The following DOCK3 variants were observed in gnomAD, a reference collection of about 807,000 sequenced individuals.
DOCK3 encodes dedicator of cytokinesis 3, also known as dedicator of cytokinesis protein 3.
In DOCK3, 60 loss-of-function variants were observed where a neutral mutation model predicts 265.6. That is an observed-to-expected ratio of 0.23 (90% CI 0.18 to 0.28). DOCK3 has a LOEUF of 0.28. Among genes scored for constraint, DOCK3 ranks in the 10% least tolerant of loss-of-function variants. The probability of loss-of-function intolerance (pLI) is 1.00; values close to 1 mark genes in which losing one functional copy is unlikely to be tolerated. For missense variants in DOCK3, 1,981 were observed against 2,594.3 expected (o/e 0.76, Z 5.14); for synonymous variants, 881 against 938.0 (o/e 0.94, Z 1.11).
At position 51,016,731 on chromosome 3, in the gene DOCK3, TAC is replaced by T. The variant is rs2079308971; in HGVS notation, c.316-47715_316-47714del. The stretch of plus-strand genomic sequence containing the variant: ...TTATATATCAATATAATATATATGA[TAC>T]ATATTATATATATCAATATAATATA... On this transcript the variant is annotated intron_variant, in intron 5 of 52. Coordinates refer to ENST00000266037, the MANE Select transcript of DOCK3 (RefSeq NM_004947.5). 1.2e-4 allele frequency among the ~76,000 whole-genome samples: 4 copies of T among 34,652 alleles called. 2 individuals are homozygous for T. The East Asian group carries it at 3.7e-3, about 32-fold the overall frequency. 22.7% of individuals were successfully genotyped at this position (34,652 alleles called of 152,430 possible). A position where few individuals can be genotyped will look rare whatever the true frequency, so the allele number is the denominator to read the frequency against.
chr3:50,853,620 T>C (rs1159262077), intron 3 of DOCK3, among the ~76,000 whole-genome samples: 2 of 152,144 alleles, frequency 1.3e-5, no homozygotes, highest in African/African-American at 2.4e-5. Context: ...GCTGCATCCA[T>C]GTTGCTGCAA....
chr3:51,368,756 C>T (rs1376416579), intron 49 of DOCK3, among the ~76,000 whole-genome samples: 1 of 152,230 alleles, frequency 6.6e-6, no homozygotes, highest in Admixed American at 6.5e-5. Context: ...AGACTGCCTC[C>T]TCAAGTGGGT....
At chr3:50,804,766 G>T (rs2043313041) in intron 2 of DOCK3, among the ~76,000 whole-genome samples, 1 of 151,940 alleles carries the variant, frequency 6.6e-6, no homozygotes. Context: ...GAGAGGGAGA[G>T]GGGGAGGGGG....
At chr3:51,309,208 G>A (rs911117090) in intron 27 of DOCK3, among the ~76,000 whole-genome samples, 2 of 152,130 alleles carry the variant, frequency 1.3e-5, no homozygotes, top group African/African-American at 4.8e-5. Flanking sequence ...CTGCAATCTC[G>A]GCACTTTGGG....
chr3:50,770,254 T>G (rs1478674720), intron 1 of DOCK3, among the ~76,000 whole-genome samples: 1 of 152,180 alleles, frequency 6.6e-6, no homozygotes, highest in African/African-American at 2.4e-5. Flanking sequence ...TCGGTAAAGT[T>G]GCAGTATACA....
At chr3:50,754,072 C>T (rs1427191324) in intron 1 of DOCK3, among the ~76,000 whole-genome samples, 1 of 131,360 alleles carries the variant, frequency 7.6e-6, no homozygotes, top group African/African-American at 2.8e-5. Flanking sequence ...AGGAGAATCG[C>T]TTGAACCTGG....
intron 10 of DOCK3, among the ~76,000 whole-genome samples, chr3:51,158,700 A>G (rs1231211615): frequency 6.6e-6 from 1 of 152,226 alleles, no homozygotes; most frequent in Non-Finnish European, 1.5e-5. Context: ...ACAAATGATA[A>G]ATATCAGAAT....
chr3:50,811,830 A>C (rs2043777256), intron 2 of DOCK3, among the ~76,000 whole-genome samples: 1 of 152,244 alleles, frequency 6.6e-6, no homozygotes, highest in South Asian at 2.1e-4. Flanking sequence ...AATCACACTA[A>C]TTGGAATAGA....
intron 1 of DOCK3, among the ~76,000 whole-genome samples, chr3:50,717,551 A>C (rs535896936): frequency 5.9e-5 from 9 of 152,124 alleles, no homozygotes; most frequent in Admixed American, 2.6e-4. Flanking sequence ...GAGTATGTGA[A>C]ATCACCTACA....
intron 17 of DOCK3, 140 bp from the exon 18 acceptor site, chr3:51,228,521 A>G: frequency 2.2e-6 from 2 of 907,364 alleles, no homozygotes; most frequent in Non-Finnish European, 3.3e-6. Context: ...CTGAACAGAA[A>G]GTACTCTTCC....
intron 5 of DOCK3, among the ~76,000 whole-genome samples, chr3:51,014,878 T>C (rs2079090515): frequency 6.6e-6 from 1 of 152,144 alleles, no homozygotes; most frequent in African/African-American, 2.4e-5. Flanking sequence ...TTAATTAATT[T>C]CTAGGTATTT....
intron 7 of DOCK3, among the ~76,000 whole-genome samples, chr3:51,083,493 G>C (rs774629056): frequency 1.3e-5 from 2 of 151,966 alleles, no homozygotes; most frequent in Non-Finnish European, 2.9e-5. Context: ...TTCAAAATAA[G>C]ATTAAAGAAG....
intron 33 of DOCK3, among the ~76,000 whole-genome samples, chr3:51,331,913 C>A (rs534646261): frequency 6.6e-6 from 1 of 152,336 alleles, no homozygotes; most frequent in East Asian, 1.9e-4. Flanking sequence ...GGACAGAGAC[C>A]TCTGTAGAAC....
chr3:51,206,541 G>A (rs530649734), intron 12 of DOCK3, among the ~76,000 whole-genome samples: 1 of 152,142 alleles, frequency 6.6e-6, no homozygotes, highest in Non-Finnish European at 1.5e-5. Flanking sequence ...CATAGAAAAG[G>A]CAATATTGAA....
chr3:51,347,961 A>C (rs2085706910), intron 38 of DOCK3, among the ~76,000 whole-genome samples: 1 of 152,118 alleles, frequency 6.6e-6, no homozygotes. Context: ...GGTGTATAGG[A>C]ATGCTTGTGA....
intron 4 of DOCK3, among the ~76,000 whole-genome samples, chr3:50,909,857 A>G (rs1372123019): frequency 1.3e-5 from 2 of 151,816 alleles, no homozygotes; most frequent in Non-Finnish European, 2.9e-5. Flanking sequence ...AGGTAACTCA[A>G]TCAGTTGTAG....
chr3:50,750,322 ATTTTTTTT>A (rs34249464), intron 1 of DOCK3, among the ~76,000 whole-genome samples: 3 of 73,644 alleles, frequency 4.1e-5, no homozygotes, highest in East Asian at 3.2e-4. Flanking sequence ...TCTACCTTTG[ATTTTTTTT>A]TTTTTTTTTT....
At chr3:51,081,853 G>A (rs1246187238) in intron 7 of DOCK3, among the ~76,000 whole-genome samples, 20 of 144,160 alleles carry the variant, frequency 1.4e-4, no homozygotes, top group Admixed American at 2.1e-4. Context: ...CCTAGATCGC[G>A]CCACTGGAAT....
rs2087891905 is a variant in DOCK3 at position 51,374,028 on chromosome 3, T to G, written c.5294-441T>G. 6.6e-6 allele frequency among the ~76,000 whole-genome samples: 1 copy of G among 152,210 alleles called. No homozygotes were observed. The highest frequency in any genetic ancestry group is 6.5e-5 in the Admixed American group (1 of 15,288). On this transcript the variant is annotated intron_variant, in intron 49 of 52. Transcript: ENST00000266037. The surrounding 1 kb of genome is among the most constrained non-coding windows in gnomAD (Gnocchi z 4.8). ...CACAGTATGTCAAGTAATAACAGTG[T>G]GGCTATGTTATCTGAGTGTCTCTGT...
Sources: allele counts gnomAD v4.1 joint callset (sites outside exome capture counted in the v4.1 genomes callset), GRCh38; gene constraint gnomAD v4.1.1; non-coding constraint Gnocchi (gnomAD v3.1); transcripts MANE v1.5; gene names NCBI Gene and HGNC (gene_info 2026-07-23, HGNC 2026-07-21).